The following FRMD4A variants were observed in gnomAD, a reference collection of about 807,000 sequenced individuals.
The protein encoded by FRMD4A is FERM domain-containing protein 4A.
A neutral mutation model predicts 129.1 loss-of-function variants in FRMD4A; 29 were observed. That is an observed-to-expected ratio of 0.22 (90% CI 0.17 to 0.31). The LOEUF (loss-of-function observed/expected upper bound fraction) is 0.31. Among genes scored for constraint, FRMD4A ranks in the 10% least tolerant of loss-of-function variants. The pLI, the probability that FRMD4A is intolerant of heterozygous loss-of-function variation, is 1.00. For missense variants in FRMD4A, 1,272 were observed against 1,375.8 expected (o/e 0.92, Z 1.19); for synonymous variants, 634 against 571.6 (o/e 1.11, Z -1.56).
chr10:14,282,899 T>C (rs1845567909), intron 2 of FRMD4A, among the ~76,000 whole-genome samples: 1 of 152,210 alleles, frequency 6.6e-6, no homozygotes, highest in Non-Finnish European at 1.5e-5. Flanking sequence ...ATGTTCTCCA[T>C]AGATTGTTGA....
Position 14,036,167 on chromosome 10 carries a change from C to T in FRMD4A, c.46-177255G>A, listed in dbSNP as rs1013522351. On this transcript the variant is annotated intron_variant, in intron 2 of 24. Transcript: ENST00000357447. The stretch of plus-strand genomic sequence containing the variant: ...GAAAGTCCACGTGGTGAAGCCCAGG[C>T]GATCATTCCTGGCACATTCCAATTG... Among the ~76,000 whole-genome samples the T allele has an allele frequency of 1.2e-4, 19 of 152,300 alleles. No homozygotes were observed. In the East Asian group the frequency reaches 1.5e-3, roughly 12 times the overall value.
intron 2 of FRMD4A, among the ~76,000 whole-genome samples, chr10:13,941,023 G>A (rs1047275894): frequency 3.3e-5 from 5 of 152,168 alleles, no homozygotes; most frequent in African/African-American, 4.8e-5. Flanking sequence ...AAGAGAGCAA[G>A]GATTGAAATC....
At chr10:14,040,604 T>G (rs1326092010) in intron 2 of FRMD4A, among the ~76,000 whole-genome samples, 1 of 152,242 alleles carries the variant, frequency 6.6e-6, no homozygotes, top group African/African-American at 2.4e-5. Context: ...TTGGCCTTAC[T>G]TGGCCTGTTT....
At chr10:13,916,878 A>C (rs1290247378) in intron 2 of FRMD4A, among the ~76,000 whole-genome samples, 1 of 152,240 alleles carries the variant, frequency 6.6e-6, no homozygotes, top group African/African-American at 2.4e-5. Context: ...AAGAAACAGA[A>C]GAAAAAGATA....
chr10:14,267,664 T>C (rs1203541268), intron 2 of FRMD4A, among the ~76,000 whole-genome samples: 1 of 152,226 alleles, frequency 6.6e-6, no homozygotes, highest in Non-Finnish European at 1.5e-5. Flanking sequence ...AAATAAGTCT[T>C]GGTTCAAAAT....
rs540423315 is a variant in FRMD4A at position 13,783,108 on chromosome 10, T to C, written c.300-102A>G. Reference sequence around the variant, plus strand: ...TTGAGATGAAAGCTGGCATTCCCCATCCTAAATAAACAAAGGAAAAAGGCA... The same window carrying C: ...TTGAGATGAAAGCTGGCATTCCCCACCCTAAATAAACAAAGGAAAAAGGCA... On this transcript the variant is annotated intron_variant, in intron 5 of 24. Transcript: ENST00000357447. 42 of 708,306 alleles carry C rather than the reference T, an allele frequency of 5.9e-5. No individual in the cohort carries two copies. In the South Asian group the frequency reaches 6.1e-4, roughly 10 times the overall value. The allele number at this position is 708,306 out of a possible 1,614,324, so 43.9% of individuals were successfully genotyped here.
intron 2 of FRMD4A, among the ~76,000 whole-genome samples, chr10:14,125,523 TGAA>T (rs1838783110): frequency 6.6e-6 from 1 of 152,144 alleles, no homozygotes; most frequent in Non-Finnish European, 1.5e-5. Flanking sequence ...CATACCAGCA[TGAA>T]GAAGAGGAAC....
intron 13 of FRMD4A, among the ~76,000 whole-genome samples, chr10:13,704,111 G>C (rs2087153156): frequency 6.6e-6 from 1 of 152,158 alleles, no homozygotes. Flanking sequence ...CTCACACGTG[G>C]CTCATGAATA....
chr10:14,038,296 C>G (rs558465121), intron 2 of FRMD4A, among the ~76,000 whole-genome samples: 4 of 152,212 alleles, frequency 2.6e-5, no homozygotes, highest in Admixed American at 1.3e-4. Flanking sequence ...GCACTCCAGC[C>G]TGGGCGACAA....
At chr10:13,853,350 C>T (rs2094165319) in intron 3 of FRMD4A, among the ~76,000 whole-genome samples, 1 of 152,114 alleles carries the variant, frequency 6.6e-6, no homozygotes, top group East Asian at 1.9e-4. Flanking sequence ...AGTTGGAGAC[C>T]AGCCTGGGCA....
chr10:13,714,140 A>G (rs1022302663), intron 12 of FRMD4A, among the ~76,000 whole-genome samples: 1 of 146,134 alleles, frequency 6.8e-6, no homozygotes, highest in Admixed American at 7.0e-5. Flanking sequence ...GCTCACTGCA[A>G]CCTCTGCTGC....
chr10:14,008,456 C>G (rs965094262), intron 2 of FRMD4A: 2 of 998,270 alleles, frequency 2.0e-6, no homozygotes, highest in South Asian at 8.9e-5. Flanking sequence ...GCGAGACTGC[C>G]GTGTCCCGCT....
At chr10:14,039,478 CTATCT>C (rs1833691116) in intron 2 of FRMD4A, among the ~76,000 whole-genome samples, 1 of 148,434 alleles carries the variant, frequency 6.7e-6, no homozygotes, top group African/African-American at 2.5e-5. Flanking sequence ...ATCTATCTAT[CTATCT>C]ATCTATCTAT....
chr10:14,065,605 C>T (rs1414608505), intron 2 of FRMD4A, among the ~76,000 whole-genome samples: 1 of 152,148 alleles, frequency 6.6e-6, no homozygotes, highest in Non-Finnish European at 1.5e-5. Flanking sequence ...CACTCAAGCC[C>T]TGAAAACTTG....
At chr10:13,935,247 G>A (rs1427146189) in intron 2 of FRMD4A, among the ~76,000 whole-genome samples, 1 of 151,956 alleles carries the variant, frequency 6.6e-6, no homozygotes, top group Middle Eastern at 3.2e-3. Context: ...AGACCAGCCT[G>A]GCCAACATAA....
At chr10:14,324,123 G>T (rs959581340) in intron 2 of FRMD4A, among the ~76,000 whole-genome samples, 1 of 152,102 alleles carries the variant, frequency 6.6e-6, no homozygotes, top group Non-Finnish European at 1.5e-5. Context: ...AGTCTCTGTC[G>T]ATTAGACTAA....
At chr10:13,969,186 C>T (rs1378747149) in intron 2 of FRMD4A, among the ~76,000 whole-genome samples, 1 of 152,230 alleles carries the variant, frequency 6.6e-6, no homozygotes, top group African/African-American at 2.4e-5. Context: ...TTCACTGAGC[C>T]TCCCAGGTTG....
chr10:13,849,019 C>T (rs1283134874), intron 3 of FRMD4A, among the ~76,000 whole-genome samples: 2 of 152,196 alleles, frequency 1.3e-5, no homozygotes, highest in Non-Finnish European at 2.9e-5. Context: ...TTATCAGCCA[C>T]CCCTGGGGGC....
rs575716724 is a variant in FRMD4A at position 14,216,798 on chromosome 10, T to C, written c.45+113260A>G. 1.6e-4 allele frequency among the ~76,000 whole-genome samples: 25 copies of C among 152,292 alleles called. No individual in the cohort carries two copies. In the East Asian group the frequency reaches 4.8e-3, roughly 29 times the overall value. ...TTTTCTGATGTATATTTCATAAGTG[T>C]CTATCATATGCCTGAAACATGGCTG... On this transcript the variant is annotated intron_variant, in intron 2 of 24. Coordinates refer to ENST00000357447, the MANE Select transcript of FRMD4A (RefSeq NM_018027.5).
Sources: allele counts gnomAD v4.1 joint callset (sites outside exome capture counted in the v4.1 genomes callset), GRCh38; gene constraint gnomAD v4.1.1; transcripts MANE v1.5; gene names NCBI Gene and HGNC (gene_info 2026-07-23, HGNC 2026-07-21).